Variants in EXOC6B observed in about 807,000 individuals in gnomAD.
EXOC6B encodes SEC15 homolog B.
Under a neutral mutation model 113.5 loss-of-function variants are expected in EXOC6B, and 54 were observed. The observed-to-expected ratio is 0.48, with a 90% CI of 0.38 to 0.60. The LOEUF is 0.60. Among genes scored for constraint, EXOC6B ranks in the 20% least tolerant of loss-of-function variants. The pLI is 0.00. For missense variants in EXOC6B, 797 were observed against 977.5 expected (o/e 0.82, Z 2.46); for synonymous variants, 357 against 339.0 (o/e 1.05, Z -0.58).
At chr2:72,308,460 G>A (rs912840289) in intron 20 of EXOC6B, among the ~76,000 whole-genome samples, 10 of 152,186 alleles carry the variant, frequency 6.6e-5, no homozygotes, top group Non-Finnish European at 5.9e-5. Flanking sequence ...AATACGTTAA[G>A]CTAAAGTAAA....
At chr2:72,267,605 C>A (rs1684214144) in intron 20 of EXOC6B, among the ~76,000 whole-genome samples, 1 of 152,282 alleles carries the variant, frequency 6.6e-6, no homozygotes, top group East Asian at 1.9e-4. Flanking sequence ...AGGGATGAAG[C>A]CCACTTGATC....
intron 20 of EXOC6B, among the ~76,000 whole-genome samples, chr2:72,229,970 A>T (rs1028456360): frequency 6.6e-6 from 1 of 152,162 alleles, no homozygotes; most frequent in African/African-American, 2.4e-5. Context: ...TTCACTGTAC[A>T]ATGTTACCTA....
In EXOC6B at chr2:72,699,804, CA is replaced by C. The variant is rs368139246; in HGVS notation, c.669+18298del. On this transcript the variant is annotated intron_variant, in intron 6 of 21. Coordinates refer to ENST00000272427, the MANE Select transcript of EXOC6B (RefSeq NM_015189.3). Reference sequence around the variant, plus strand: ...CCAAATCCAAGGGCAGGATAGCCCGCAAAAGTAGGCTAAGACCACCATGGTT... The same window carrying C: ...CCAAATCCAAGGGCAGGATAGCCCGCAAAGTAGGCTAAGACCACCATGGTT... Among the ~76,000 whole-genome samples the C allele has an allele frequency of 1.7e-3, 266 of 152,308 alleles. 1 individual carries two copies. The highest frequency in any genetic ancestry group is 3.9e-3 in the South Asian group (19 of 4,812).
chr2:72,586,961 G>A (rs1364054871), intron 6 of EXOC6B, among the ~76,000 whole-genome samples: 1 of 152,156 alleles, frequency 6.6e-6, no homozygotes, highest in Non-Finnish European at 1.5e-5. Context: ...TACATTGTTG[G>A]TGGGAATGTA....
intron 1 of EXOC6B, among the ~76,000 whole-genome samples, chr2:72,774,191 T>C (rs569002787): frequency 6.6e-6 from 1 of 152,284 alleles, no homozygotes; most frequent in African/African-American, 2.4e-5. Flanking sequence ...TTACAAGAAA[T>C]GTTTGTAAAT....
chr2:72,373,516 C>A (rs1691166620), intron 19 of EXOC6B, among the ~76,000 whole-genome samples: 1 of 152,102 alleles, frequency 6.6e-6, no homozygotes, highest in African/African-American at 2.4e-5. Context: ...TGCATACTAT[C>A]CATCTGGGAA....
rs1677754579 is a variant in EXOC6B at position 72,176,736 on chromosome 2, A to G, written c.*2599T>C. 6.6e-6 allele frequency: 1 copy of G among 152,200 alleles called. No individual in the cohort carries two copies. The highest frequency in any genetic ancestry group is 1.5e-5 in the Non-Finnish European group (1 of 68,042). 9.4% of individuals were successfully genotyped at this position (152,200 alleles called of 1,614,324 possible). A position where few individuals can be genotyped will look rare whatever the true frequency, so the allele number is the denominator to read the frequency against. Reference sequence around the variant, plus strand: ...TCCCAAACTGAACTGTCCCTTCAGGAATATAGACCTGGTTTCCTCAAGAAC... The same window carrying G: ...TCCCAAACTGAACTGTCCCTTCAGGGATATAGACCTGGTTTCCTCAAGAAC... On this transcript the variant is annotated 3_prime_UTR_variant, in exon 22 of 22. Coordinates refer to ENST00000272427, the MANE Select transcript of EXOC6B (RefSeq NM_015189.3).
chr2:72,258,788 T>C (rs1381402882), intron 20 of EXOC6B, among the ~76,000 whole-genome samples: 1 of 152,174 alleles, frequency 6.6e-6, no homozygotes, highest in East Asian at 1.9e-4. Context: ...TAAACTTGGC[T>C]TTTCTTGTCA....
intron 17 of EXOC6B, among the ~76,000 whole-genome samples, chr2:72,468,094 C>T (rs1433565971): frequency 2.0e-5 from 3 of 151,996 alleles, no homozygotes; most frequent in Non-Finnish European, 4.4e-5. Flanking sequence ...TGTAGGTTAT[C>T]CTTCAACTGT....
chr2:72,515,650 G>C (rs552275882), intron 8 of EXOC6B: 1 of 989,286 alleles, frequency 1.0e-6, no homozygotes, highest in African/African-American at 1.7e-5. Context: ...AAAGCATGAA[G>C]ATTCCTGGTG....
At chr2:72,549,880 T>C (rs770748496) in intron 8 of EXOC6B, among the ~76,000 whole-genome samples, 1 of 152,006 alleles carries the variant, frequency 6.6e-6, no homozygotes, top group African/African-American at 2.4e-5. Context: ...TGGTAGAGAA[T>C]TAGAAAAACA....
At chr2:72,370,908 T>C (rs1178650392) in intron 19 of EXOC6B, among the ~76,000 whole-genome samples, 1 of 151,928 alleles carries the variant, frequency 6.6e-6, no homozygotes, top group African/African-American at 2.4e-5. Flanking sequence ...AAATGACAAG[T>C]TAATGGGTGC....
chr2:72,530,890 T>C (rs765476200), intron 8 of EXOC6B, among the ~76,000 whole-genome samples: 7 of 152,148 alleles, frequency 4.6e-5, no homozygotes, highest in Non-Finnish European at 1.0e-4. Context: ...TTAATAGAGA[T>C]TATTCTGCTT....
intron 19 of EXOC6B, among the ~76,000 whole-genome samples, chr2:72,366,378 A>G (rs1690629444): frequency 6.6e-6 from 1 of 152,166 alleles, no homozygotes; most frequent in South Asian, 2.1e-4. Flanking sequence ...AGACATCAAT[A>G]GAAAGCATCC....
At position 72,432,629 on chromosome 2, in the gene EXOC6B, G is replaced by C. The variant is rs138437395; in HGVS notation, c.1980+32531C>G. Among the ~76,000 whole-genome samples the C allele has an allele frequency of 5.4e-3, 820 of 152,264 alleles. 8 individuals are homozygous for C. The highest frequency in any genetic ancestry group is 0.019 in the African/African-American group (784 of 41,548). On this transcript the variant is annotated intron_variant, in intron 18 of 21. Transcript: ENST00000272427. ...TAATGATCCCCATTCTAACTGGCAT[G>C]AGATAGTATCTCATTGTGGTTTTCA...
At chr2:72,631,424 GTGTATATATATATATA>G (rs780487601) in intron 6 of EXOC6B, among the ~76,000 whole-genome samples, 645 of 22,258 alleles carry the variant, frequency 0.029, 69 homozygotes, top group South Asian at 0.055. Flanking sequence ...GTGTGTGTGT[GTGTATATATATATATA>G]TATATATATA....
chr2:72,346,554 C>T (rs1310262677), intron 19 of EXOC6B, among the ~76,000 whole-genome samples: 1 of 152,080 alleles, frequency 6.6e-6, no homozygotes, highest in African/African-American at 2.4e-5. Flanking sequence ...AAAACAATTT[C>T]ACTTCAAGAT....
At chr2:72,422,065 G>A (rs1023601184) in intron 18 of EXOC6B, among the ~76,000 whole-genome samples, 25 of 152,330 alleles carry the variant, frequency 1.6e-4, no homozygotes, top group Non-Finnish European at 2.8e-4. Flanking sequence ...GCCTTCCCGC[G>A]GGGCAGGGCT....
chr2:72,717,661 GC>G (rs1463737388), intron 6 of EXOC6B, among the ~76,000 whole-genome samples: 1 of 151,746 alleles, frequency 6.6e-6, no homozygotes, highest in African/African-American at 2.4e-5. Context: ...TTCCTAATAG[GC>G]CTTTTTTCAC....
Sources: allele counts gnomAD v4.1 joint callset (sites outside exome capture counted in the v4.1 genomes callset), GRCh38; gene constraint gnomAD v4.1.1; transcripts MANE v1.5; gene names NCBI Gene and HGNC (gene_info 2026-07-23, HGNC 2026-07-21).